The following BICRAL variants were observed in gnomAD, a reference collection of about 807,000 sequenced individuals.
BICRAL encodes the protein BRD4-interacting chromatin-remodeling complex-associated protein-like.
A neutral mutation model predicts 91.8 loss-of-function variants in BICRAL; 8 were observed. The observed-to-expected ratio is 0.09, with a 90% CI of 0.05 to 0.16. BICRAL has a LOEUF of 0.16. Among genes scored for constraint, BICRAL ranks in the 10% least tolerant of loss-of-function variants. The pLI is 1.00. For missense variants in BICRAL, 1,038 were observed against 1,310.9 expected (o/e 0.79, Z 3.21); for synonymous variants, 445 against 491.1 (o/e 0.91, Z 1.24).
At chr6:42,788,286 G>A (rs188667173) in intron 1 of BICRAL, among the ~76,000 whole-genome samples, 75 of 144,886 alleles carry the variant, frequency 5.2e-4, no homozygotes, top group African/African-American at 1.8e-3. Flanking sequence ...GTGCAGTGGC[G>A]CAATCTCAGC....
At chr6:42,826,425 A>C (rs892951419) in intron 5 of BICRAL, among the ~76,000 whole-genome samples, 27 of 151,628 alleles carry the variant, frequency 1.8e-4, no homozygotes, top group African/African-American at 6.3e-4. Context: ...AGTAGAAACG[A>C]GGTTTCACCC....
intron 6 of BICRAL, among the ~76,000 whole-genome samples, chr6:42,849,378 A>C (rs1765110839): frequency 6.6e-6 from 1 of 151,772 alleles, no homozygotes; most frequent in South Asian, 2.1e-4. Flanking sequence ...GAGTCACCAC[A>C]TCTGGCCTCC....
intron 1 of BICRAL, among the ~76,000 whole-genome samples, chr6:42,776,838 T>G (rs2113851297): frequency 6.6e-6 from 1 of 152,342 alleles, no homozygotes; most frequent in African/African-American, 2.4e-5. Flanking sequence ...CATTAGGCTG[T>G]ATAGTACTGC....
At chr6:42,782,577 C>T (rs1762947406) in intron 1 of BICRAL, among the ~76,000 whole-genome samples, 2 of 143,068 alleles carry the variant, frequency 1.4e-5, no homozygotes, top group South Asian at 2.3e-4. Context: ...TTTTCTTTTC[C>T]GCGGATGCAA....
At chr6:42,746,725 C>G (rs1013800170), upstream of BICRAL, among the ~76,000 whole-genome samples, 2 of 152,142 alleles carry the variant, frequency 1.3e-5, no homozygotes, top group Non-Finnish European at 2.9e-5. Context: ...CCCCCCTCCC[C>G]CCTATCCACT....
At chr6:42,817,644 T>C (rs1251529682) in intron 2 of BICRAL, among the ~76,000 whole-genome samples, 1 of 151,994 alleles carries the variant, frequency 6.6e-6, no homozygotes, top group African/African-American at 2.4e-5. Flanking sequence ...CACACTCAAC[T>C]AATTTTTAAA....
At chr6:42,799,296 CTT>C (rs573158175) in intron 1 of BICRAL, among the ~76,000 whole-genome samples, 5 of 136,970 alleles carry the variant, frequency 3.7e-5, no homozygotes, top group Admixed American at 7.4e-5. Context: ...ACCACTAAAT[CTT>C]TTTTTTTTTT....
chr6:42,778,704 A>G (rs1762836673), upstream of BICRAL, among the ~76,000 whole-genome samples: 2 of 152,176 alleles, frequency 1.3e-5, no homozygotes, highest in African/African-American at 4.8e-5. Context: ...TGGAGGGCCC[A>G]GCACTGTGGC....
At chr6:42,820,530 A>G (rs1040931673) in intron 2 of BICRAL, among the ~76,000 whole-genome samples, 8 of 152,168 alleles carry the variant, frequency 5.3e-5, no homozygotes, top group Admixed American at 4.6e-4. Flanking sequence ...ATTTTTCTGT[A>G]TCTACGTGAT....
chr6:42,750,467 T>A (rs1224304338), intron 1 of BICRAL, among the ~76,000 whole-genome samples: 1 of 152,092 alleles, frequency 6.6e-6, no homozygotes, highest in Non-Finnish European at 1.5e-5. Context: ...CCTGGCCACT[T>A]CCCTTTTAAG....
intron 12 of BICRAL, among the ~76,000 whole-genome samples, chr6:42,863,200 A>C (rs1204877706): frequency 2.0e-5 from 3 of 151,902 alleles, no homozygotes; most frequent in Non-Finnish European, 4.4e-5. Flanking sequence ...AGGCGCCTGC[A>C]ACCACACCTG....
rs777194999 is a variant in BICRAL, at chr6:42,830,135, C to T, written c.1802C>T (p.Thr601Ile). ...AAGTCTACCAGCACCTTCAGTAACACACCTGGAACAGGAACCCAGCAACAA... is the reference window on the plus strand; with the variant it reads ...AAGTCTACCAGCACCTTCAGTAACATACCTGGAACAGGAACCCAGCAACAA... ...SSKSTSTFSN[T>I]PGTGTQQQFF... Residue 601 changes from threonine to isoleucine, a missense_variant, in exon 6 of 13, where the codon ACA (threonine) becomes ATA (isoleucine). Around this residue, in one of 5 missense-constraint regions of BICRAL, gnomAD observed 532 missense variants for 724.9 expected, o/e 0.73. Coordinates refer to ENST00000314073, the MANE Select transcript of BICRAL (RefSeq NM_001393499.1). 9 of 1,613,906 alleles carry T rather than the reference C, an allele frequency of 5.6e-6. No homozygotes were observed. The highest frequency in any genetic ancestry group is 4.0e-5 in the African/African-American group (3 of 74,942).
At position 42,852,190 on chromosome 6, in the gene BICRAL, A is replaced by G. The variant is rs751118069; in HGVS notation, c.1938A>G (p.Thr646=). 2.5e-6 allele frequency: 4 copies of G among 1,603,634 alleles called. No individual in the cohort carries two copies. The East Asian group carries it at 6.7e-5, about 27-fold the overall frequency. Residue 646 remains threonine, a synonymous_variant, in exon 7 of 13, where the codon ACA becomes ACG. Transcript: ENST00000314073. ...AGATCCCTGGGCTCTTGAGCACCAC[A>G]CTGCCAGGTCAGGAGCTTCCTCAGT... ...QAQIPGLLST[T]LPGQDSGSKV...
At chr6:42,843,861 C>T (rs1046901272) in intron 6 of BICRAL, among the ~76,000 whole-genome samples, 9 of 148,432 alleles carry the variant, frequency 6.1e-5, no homozygotes, top group African/African-American at 1.7e-4. Flanking sequence ...TGCAATAGCA[C>T]GATCTCGGCT....
At chr6:42,784,366 G>A (rs1165305050) in intron 1 of BICRAL, among the ~76,000 whole-genome samples, 1 of 152,144 alleles carries the variant, frequency 6.6e-6, no homozygotes, top group Non-Finnish European at 1.5e-5. Context: ...ATAAAGCTCT[G>A]ATCTCTCTAG....
chr6:42,865,183 G>A lies in BICRAL; in HGVS notation c.2977G>A (p.Gly993Arg), dbSNP rs1765677374. ...AGTTTTACACACAGACATCATGAAA[G>A]GGTCAGGCGAACCCCAGCCAGATCT... The part of the protein sequence containing the change: ...NEVLHTDIMK[G>R]SGEPQPDLQL... The change falls in exon 13 of 13, where the codon GGG becomes AGG. Residue 993 changes from glycine to arginine, a missense_variant. Physicochemically the swap from Gly to Arg is moderately radical, Grantham distance 125. This residue lies in a region of BICRAL where 92 missense variants were observed against 147.8 expected (regional missense o/e 0.62). Transcript: ENST00000314073. 4.3e-6 allele frequency: 7 copies of A among 1,614,044 alleles called. No individual in the cohort carries two copies. Among genetic ancestry groups the A allele is most frequent in the Non-Finnish European group, 5.1e-6 (6 of 1,180,032 alleles).
intron 1 of BICRAL, among the ~76,000 whole-genome samples, chr6:42,765,614 G>A (rs1290009741): frequency 1.3e-5 from 2 of 152,182 alleles, no homozygotes; most frequent in Admixed American, 6.5e-5. Context: ...GAAAGGTGAA[G>A]CTTGAGTGAA....
chr6:42,809,170 T>C (rs910661432), intron 1 of BICRAL, among the ~76,000 whole-genome samples: 5 of 147,346 alleles, frequency 3.4e-5, no homozygotes, highest in Admixed American at 6.8e-5. Flanking sequence ...CTACCACTTA[T>C]AAGTGAGAAC....
chr6:42,865,421 C>T lies in BICRAL; in HGVS notation c.3215C>T (p.Ala1072Val). 1 of 1,612,062 alleles carries T rather than the reference C, an allele frequency of 6.2e-7. No individual in the cohort carries two copies. Among genetic ancestry groups the T allele is most frequent in the Non-Finnish European group, 8.5e-7 (1 of 1,178,204 alleles). Residue 1072 changes from alanine (A) to valine (V), a missense_variant, in exon 13 of 13, where the codon GCT (alanine) becomes GTT (valine). Physicochemically the swap from Ala to Val is moderately conservative, Grantham distance 64 (BLOSUM62 0). Around this residue, in one of 5 missense-constraint regions of BICRAL, gnomAD observed 92 missense variants for 147.8 expected, o/e 0.62. Transcript: ENST00000314073. ...GAAACTGACTCCATTTTAGAAGCAG[C>T]TGTAAATAGTATCCTAGAGTGTTAA... ...VVETDSILEA[A>V]VNSILEC
Sources: gnomAD v4.1 joint callset for allele counts (sites outside exome capture counted in the v4.1 genomes callset) on GRCh38, gnomAD v4.1.1 for gene constraint, gnomAD v4.1.1 regional missense constraint, MANE v1.5 for transcripts, NCBI Gene and HGNC (gene_info 2026-07-23, HGNC 2026-07-21) for gene names.